RBFOX1: variants seen among roughly 807,000 people sequenced by gnomAD.
RBFOX1 encodes RNA binding protein fox-1 homolog 1.
RBFOX1 carries 8 observed loss-of-function variants against 57.7 expected under a neutral mutation model. The observed-to-expected ratio is 0.14, with a 90% CI of 0.08 to 0.25. The LOEUF is 0.25. Among genes scored for constraint, RBFOX1 ranks in the 10% least tolerant of loss-of-function variants. The pLI is 1.00. For missense variants in RBFOX1, 611 were observed against 548.5 expected (o/e 1.11, Z -1.14); for synonymous variants, 326 against 222.4 (o/e 1.47, Z -4.15).
intron 4 of RBFOX1, among the ~76,000 whole-genome samples, chr16:7,458,030 G>T (rs2058862875): frequency 6.6e-6 from 1 of 152,058 alleles, no homozygotes; most frequent in African/African-American, 2.4e-5. Context: ...ATTCAGCCTT[G>T]CTCAGCTTGG....
intron 3 of RBFOX1, among the ~76,000 whole-genome samples, chr16:5,751,016 A>G (rs1196694551): frequency 6.6e-6 from 1 of 152,076 alleles, no homozygotes; most frequent in Non-Finnish European, 1.5e-5. Context: ...CAATTTTTGT[A>G]TTTTTAGTAG....
At chr16:7,355,652 T>C (rs1490155156) in intron 4 of RBFOX1, among the ~76,000 whole-genome samples, 1 of 152,208 alleles carries the variant, frequency 6.6e-6, no homozygotes, top group African/African-American at 2.4e-5. Flanking sequence ...TCATTCTATA[T>C]TGTGACGGCA....
At chr16:7,414,042 A>G (rs1193198703) in intron 4 of RBFOX1, among the ~76,000 whole-genome samples, 2 of 152,222 alleles carry the variant, frequency 1.3e-5, no homozygotes, top group African/African-American at 4.8e-5. Context: ...CCCTGCCTCC[A>G]AAGACTCTTA....
intron 1 of RBFOX1, among the ~76,000 whole-genome samples, chr16:6,309,927 C>T (rs1039956900): frequency 9.2e-5 from 14 of 152,190 alleles, no homozygotes; most frequent in South Asian, 8.3e-4. Context: ...GACAGAGTCT[C>T]GCTGTGTCGC....
At chr16:6,691,196 C>A (rs1462447423) in intron 3 of RBFOX1, among the ~76,000 whole-genome samples, 1 of 152,130 alleles carries the variant, frequency 6.6e-6, no homozygotes, top group Admixed American at 6.5e-5. Context: ...TGTGGGGGAG[C>A]TAGATGTCAC....
intron 4 of RBFOX1, among the ~76,000 whole-genome samples, chr16:7,096,507 A>G (rs2151248987): frequency 6.6e-6 from 1 of 152,238 alleles, no homozygotes; most frequent in South Asian, 2.1e-4. Context: ...CTCTAGGAAA[A>G]GTTTTGAGGC....
intron 3 of RBFOX1, among the ~76,000 whole-genome samples, chr16:7,050,906 A>C (rs1277430757): frequency 6.6e-6 from 1 of 152,166 alleles, no homozygotes; most frequent in Non-Finnish European, 1.5e-5. Context: ...GTAAAAGGGC[A>C]TAGAAAAGCA....
At chr16:5,764,961 G>C (rs1279352933) in intron 3 of RBFOX1, among the ~76,000 whole-genome samples, 2 of 152,186 alleles carry the variant, frequency 1.3e-5, no homozygotes, top group African/African-American at 4.8e-5. Flanking sequence ...AGGCAAAGTA[G>C]TTTGCCCAAG....
intron 3 of RBFOX1, among the ~76,000 whole-genome samples, chr16:7,035,591 G>A (rs867163990): frequency 2.0e-5 from 3 of 151,940 alleles, no homozygotes; most frequent in African/African-American, 7.3e-5. Context: ...GCTCTGCGTT[G>A]TTGGTTTATT....
chr16:6,866,279 G>A (rs181934475), intron 3 of RBFOX1, among the ~76,000 whole-genome samples: 1 of 151,800 alleles, frequency 6.6e-6, no homozygotes, highest in Non-Finnish European at 1.5e-5. Flanking sequence ...TCATTTTTGT[G>A]GATAGGGTGG....
intron 3 of RBFOX1, among the ~76,000 whole-genome samples, chr16:6,713,411 A>G (rs979701116): frequency 1.3e-5 from 2 of 152,042 alleles, no homozygotes; most frequent in African/African-American, 4.8e-5. Context: ...TCTCCAGTCT[A>G]AGATTTCTCA....
chr16:6,503,091 C>T (rs542033116), intron 2 of RBFOX1, among the ~76,000 whole-genome samples: 1 of 152,176 alleles, frequency 6.6e-6, no homozygotes, highest in African/African-American at 2.4e-5. Context: ...ATATTCTCAA[C>T]AGACCTAAGA....
chr16:7,170,486 T>C (rs1402726869), intron 4 of RBFOX1, among the ~76,000 whole-genome samples: 1 of 152,058 alleles, frequency 6.6e-6, no homozygotes, highest in Non-Finnish European at 1.5e-5. Flanking sequence ...GTGTTGCCCA[T>C]ATTGGTCTCA....
chr16:6,843,530 T>TA lies in RBFOX1; in HGVS notation c.-16+188889dup, dbSNP rs201653205. ...TGTGAAACCCCGTCTGTACTAAAAATAAAAAAAAATTATCTAGGCATGGTG... is the reference window on the plus strand; with the variant it reads ...TGTGAAACCCCGTCTGTACTAAAAATAAAAAAAAAATTATCTAGGCATGGTG... On this transcript the variant is annotated intron_variant, in intron 3 of 15. Coordinates refer to ENST00000550418, the MANE Select transcript of RBFOX1 (RefSeq NM_018723.4). Among the ~76,000 whole-genome samples the TA allele has an allele frequency of 4.7e-3, 708 of 150,748 alleles. 3 individuals are homozygous for TA. The highest frequency in any genetic ancestry group is 6.7e-3 in the Non-Finnish European group (451 of 67,564).
At position 6,739,735 on chromosome 16, in the gene RBFOX1, G is replaced by T. The variant is rs533067294; in HGVS notation, c.-16+85085G>T. 1.0e-3 allele frequency among the ~76,000 whole-genome samples: 157 copies of T among 152,138 alleles called. 2 individuals are homozygous for T. The highest frequency in any genetic ancestry group is 3.4e-3 in the Middle Eastern group (1 of 294). The stretch of plus-strand genomic sequence containing the variant: ...CTACTAAAAATACAAAAATTAGCTG[G>T]GCGTGGTGGCAGGTGCCTGTAGTCT... On this transcript the variant is annotated intron_variant, in intron 3 of 15. Coordinates refer to ENST00000550418, the MANE Select transcript of RBFOX1 (RefSeq NM_018723.4).
intron 2 of RBFOX1, among the ~76,000 whole-genome samples, chr16:6,605,316 TC>T (rs2097911397): frequency 6.6e-6 from 1 of 152,272 alleles, no homozygotes; most frequent in Non-Finnish European, 1.5e-5. Context: ...TACTTCACCT[TC>T]CCAACATGTT....
At chr16:6,956,610 A>C (rs1003573544) in intron 3 of RBFOX1, among the ~76,000 whole-genome samples, 7 of 152,198 alleles carry the variant, frequency 4.6e-5, no homozygotes, top group Admixed American at 2.6e-4. Context: ...GAGTGGTTCA[A>C]ATCCACAGCC....
intron 14 of RBFOX1, among the ~76,000 whole-genome samples, 194 bp from the exon 15 acceptor site, chr16:7,708,862 A>C (rs891460500): frequency 6.6e-6 from 1 of 152,104 alleles, no homozygotes; most frequent in Admixed American, 6.5e-5. Context: ...TAGCAATAGC[A>C]ACCATGTTAA....
intron 3 of RBFOX1, among the ~76,000 whole-genome samples, chr16:7,022,131 C>T (rs115984927): frequency 6.8e-6 from 1 of 146,068 alleles, no homozygotes; most frequent in Non-Finnish European, 1.5e-5. Flanking sequence ...GGAGCAATCT[C>T]CACTCACTGC....
Sources: gnomAD v4.1 joint callset for allele counts (sites outside exome capture counted in the v4.1 genomes callset) on GRCh38, gnomAD v4.1.1 for gene constraint, MANE v1.5 for transcripts, NCBI Gene and HGNC (gene_info 2026-07-23, HGNC 2026-07-21) for gene names.